ZNF462: variants seen among roughly 807,000 people sequenced by gnomAD.
The protein encoded by ZNF462 is zinc finger PBX1-interacting protein.
ZNF462 carries 10 observed loss-of-function variants against 201.9 expected under a neutral mutation model. The ratio of observed to expected loss-of-function variants is 0.05; its 90% CI spans 0.03 to 0.08. The LOEUF is 0.08. Among genes scored for constraint, ZNF462 ranks in the 10% least tolerant of loss-of-function variants. ZNF462 has a pLI of 1.00. For synonymous variants in ZNF462, 1,227 were observed against 1,193.3 expected, an observed-to-expected ratio of 1.03 and a Z score of -0.58; for missense variants, 2,523 against 3,168.3, an observed-to-expected ratio of 0.80 and a Z score of 4.89.
upstream of ZNF462, among the ~76,000 whole-genome samples, chr9:106,861,756 G>T (rs1827073468): frequency 6.6e-6 from 1 of 152,158 alleles, no homozygotes; most frequent in Non-Finnish European, 1.5e-5. Flanking sequence ...TGGAGGGGGG[G>T]AACCACTCCT....
chr9:106,879,978 C>T (rs1828019855), intron 1 of ZNF462, among the ~76,000 whole-genome samples: 1 of 152,182 alleles, frequency 6.6e-6, no homozygotes, highest in South Asian at 2.1e-4. Context: ...GAGCAACTCA[C>T]TGACTCTTGG....
rs569206785 is a variant in ZNF462 at position 106,990,998 on chromosome 9, G to A, written c.7056+6589G>A. 2.0e-5 allele frequency among the ~76,000 whole-genome samples: 3 copies of A among 152,092 alleles called. No homozygotes were observed. In the South Asian group the frequency reaches 6.2e-4, roughly 32 times the overall value. ...TTTCAGGGTTCATGAGAGAGGAATA[G>A]GGGTATCAGTGTACAATGTACTGAA... On this transcript the variant is annotated intron_variant, in intron 10 of 12. Transcript: ENST00000277225.
intron 7 of ZNF462, among the ~76,000 whole-genome samples, chr9:106,953,023 A>G (rs779965037): frequency 1.3e-5 from 2 of 152,200 alleles, no homozygotes; most frequent in African/African-American, 2.4e-5. Flanking sequence ...AATCTTAAAA[A>G]GGTTATACAT....
chr9:106,932,331 C>T lies in ZNF462; in HGVS notation c.6013-115C>T. 6.4e-6 allele frequency: 10 copies of T among 1,563,886 alleles called. No individual in the cohort carries two copies. Among genetic ancestry groups the T allele is most frequent in the African/African-American group, 1.4e-5 (1 of 73,596 alleles). ...AAGCAGCCAAAGACGCCAGTGGCGC[C>T]CTGGTGGGCCGGGTGGATGGTGAAC... On this transcript the variant is annotated intron_variant, in intron 4 of 12. Coordinates refer to ENST00000277225, the MANE Select transcript of ZNF462 (RefSeq NM_021224.6). This position sits in a 1 kb window ranked among gnomAD's most constrained non-coding sequence, Gnocchi z 6.8.
At chr9:106,864,045 T>TCTCG in intron 1 of ZNF462, among the ~76,000 whole-genome samples, 1 of 31,620 alleles carries the variant, frequency 3.2e-5, no homozygotes, top group East Asian at 8.9e-4. Context: ...TTTGGCTCTC[T>TCTCG]CTCTCTCTCT....
Position 107,012,874 on chromosome 9 carries a change from T to C in ZNF462, c.*1844T>C, listed in dbSNP as rs999593417. 3.9e-5 allele frequency: 6 copies of C among 152,256 alleles called. No individual in the cohort carries two copies. Among genetic ancestry groups the C allele is most frequent in the Admixed American group, 3.9e-4 (6 of 15,284 alleles). The allele number at this position is 152,256 out of a possible 1,614,324, so 9.4% of individuals were successfully genotyped here. On this transcript the variant is annotated 3_prime_UTR_variant, in exon 13 of 13. Coordinates refer to ENST00000277225, the MANE Select transcript of ZNF462 (RefSeq NM_021224.6). Reference sequence around the variant, plus strand: ...TGCTTACTTGAAAAGCATGTTCTTCTTTTATTTTCTTACTGTTAAGAATTT... The same window carrying C: ...TGCTTACTTGAAAAGCATGTTCTTCCTTTATTTTCTTACTGTTAAGAATTT...
intron 7 of ZNF462, among the ~76,000 whole-genome samples, chr9:106,960,893 T>C (rs1469592919): frequency 6.6e-6 from 1 of 152,106 alleles, no homozygotes; most frequent in Non-Finnish European, 1.5e-5. Context: ...CCATATCTGC[T>C]TTTCTGAGCC....
chr9:106,932,635 G>A lies in ZNF462; in HGVS notation c.6116+86G>A. The A allele has an allele frequency of 6.4e-7, 1 of 1,557,326 alleles. No individual in the cohort carries two copies. The highest frequency in any genetic ancestry group is 1.8e-5 in the Admixed American group (1 of 56,002). ...TAAGCTAAAGCAGAAGCTTGGATGA[G>A]TAAGAAGGCCCCACTCATGGTTCAC... is the stretch of plus-strand genomic sequence containing the variant. On this transcript the variant is annotated intron_variant, in intron 5 of 12. Coordinates refer to ENST00000277225, the MANE Select transcript of ZNF462 (RefSeq NM_021224.6). The surrounding 1 kb of genome is among the most constrained non-coding windows in gnomAD (Gnocchi z 6.8).
rs1564172086 is a variant in ZNF462 at position 107,009,537 on chromosome 9, CTT to C, written c.7190-6_7190-5del. 6.2e-7 allele frequency: 1 copy of C among 1,613,784 alleles called. No individual in the cohort carries two copies. Among genetic ancestry groups the C allele is most frequent in the Admixed American group, 1.7e-5 (1 of 59,976 alleles). On this transcript the variant is annotated splice_region_variant and splice_polypyrimidine_tract_variant and intron_variant, in intron 11 of 12. Transcript: ENST00000277225. The surrounding 1 kb of genome is among the most constrained non-coding windows in gnomAD (Gnocchi z 6.1). Reference sequence around the variant, plus strand: ...CACACAGGTAACACTTCTGCTTTCTCTTTGCAGAGCTGATGAGATTTTCTGAC... The same window carrying C: ...CACACAGGTAACACTTCTGCTTTCTCTGCAGAGCTGATGAGATTTTCTGAC...
rs539122109 is a variant in ZNF462, at chr9:106,902,397, G to A, written c.-30-20957G>A. 7.2e-5 allele frequency among the ~76,000 whole-genome samples: 11 copies of A among 151,944 alleles called. No individual in the cohort carries two copies. The highest frequency in any genetic ancestry group is 3.9e-4 in the East Asian group (2 of 5,168). ...TGTAGTTTTCTTCTGTGGTTATGTCGTTTCCTGGTTTTGGTATTAGAGTGC... is the reference window on the plus strand; with the variant it reads ...TGTAGTTTTCTTCTGTGGTTATGTCATTTCCTGGTTTTGGTATTAGAGTGC... On this transcript the variant is annotated intron_variant, in intron 1 of 12. Transcript: ENST00000277225. This position sits in a 1 kb window ranked among gnomAD's most constrained non-coding sequence, Gnocchi z 4.2.
chr9:106,872,659 G>A lies in ZNF462; in HGVS notation c.-31+9304G>A, dbSNP rs996203853. On this transcript the variant is annotated intron_variant, in intron 1 of 12. Transcript: ENST00000277225. The surrounding 1 kb of genome is among the most constrained non-coding windows in gnomAD (Gnocchi z 4.5). Reference sequence around the variant, plus strand: ...ACTACAGGCATGAGCCACCATGCCCGGCCTCAGAAAAGACCATTTTAATTT... The same window carrying A: ...ACTACAGGCATGAGCCACCATGCCCAGCCTCAGAAAAGACCATTTTAATTT... Among the ~76,000 whole-genome samples the A allele has an allele frequency of 6.6e-6, 1 of 152,134 alleles. No homozygotes were observed. The highest frequency in any genetic ancestry group is 1.5e-5 in the Non-Finnish European group (1 of 68,022).
At chr9:106,983,095 A>AAT (rs547769503) in intron 9 of ZNF462, among the ~76,000 whole-genome samples, 3 of 152,210 alleles carry the variant, frequency 2.0e-5, no homozygotes, top group Non-Finnish European at 4.4e-5. Context: ...TTCTTGCATA[A>AAT]ATAGCACAGA....
At chr9:106,957,876 T>C (rs1588116533) in intron 7 of ZNF462, among the ~76,000 whole-genome samples, 1 of 152,066 alleles carries the variant, frequency 6.6e-6, no homozygotes, top group African/African-American at 2.4e-5. Flanking sequence ...TGGTCACCTG[T>C]TCTACATTAT....
At position 106,968,005 on chromosome 9, in the gene ZNF462, C is replaced by T. The variant is rs1832158932; in HGVS notation, c.6428-4000C>T. Among the ~76,000 whole-genome samples, 1 of 152,010 alleles carries T rather than the reference C, an allele frequency of 6.6e-6. No individual in the cohort carries two copies. The highest frequency in any genetic ancestry group is 2.4e-5 in the African/African-American group (1 of 41,376). Reference sequence around the variant, plus strand: ...TCTAATGTTATTTTCTTAACTATTTCAACCTTTCTATCACTTTCTCTCTTT... The same window carrying T: ...TCTAATGTTATTTTCTTAACTATTTTAACCTTTCTATCACTTTCTCTCTTT... On this transcript the variant is annotated intron_variant, in intron 7 of 12. Transcript: ENST00000277225. The surrounding 1 kb of genome is among the most constrained non-coding windows in gnomAD (Gnocchi z 4.0).
chr9:107,008,144 A>G lies in ZNF462; in HGVS notation c.7190-1401A>G, dbSNP rs909752482. ...GCAGAATCCTCCCCACCCCCCTCTC[A>G]TTATGCAGTTGGGGAGGAGTCAGGA... is the stretch of plus-strand genomic sequence containing the variant. On this transcript the variant is annotated intron_variant, in intron 11 of 12. Coordinates refer to ENST00000277225, the MANE Select transcript of ZNF462 (RefSeq NM_021224.6). This position sits in a 1 kb window ranked among gnomAD's most constrained non-coding sequence, Gnocchi z 4.8. Among the ~76,000 whole-genome samples the G allele has an allele frequency of 6.6e-6, 1 of 152,036 alleles. No homozygotes were observed. The highest frequency in any genetic ancestry group is 6.6e-5 in the Admixed American group (1 of 15,266).
At chr9:106,863,555 G>A (rs1827149956) in intron 1 of ZNF462, among the ~76,000 whole-genome samples, 200 bp downstream of exon 1, 1 of 149,640 alleles carries the variant, frequency 6.7e-6, no homozygotes, top group Non-Finnish European at 1.5e-5. Context: ...GGGGAGGAGG[G>A]AGAGCAGGAG....
intron 1 of ZNF462, among the ~76,000 whole-genome samples, chr9:106,908,652 T>C (rs1357714880): frequency 2.6e-5 from 4 of 151,732 alleles, no homozygotes; most frequent in Non-Finnish European, 5.9e-5. Flanking sequence ...ATATCACATA[T>C]ACCTAATTCT....
chr9:106,865,597 GTTTC>G lies in ZNF462; in HGVS notation c.-31+2246_-31+2249del, dbSNP rs1332193991. Among the ~76,000 whole-genome samples the G allele has an allele frequency of 1.3e-5, 2 of 152,132 alleles. No individual in the cohort carries two copies. The highest frequency in any genetic ancestry group is 2.9e-5 in the Non-Finnish European group (2 of 68,018). ...CATTTGTATGTTAGGCCTTCTTTCA[GTTTC>G]TTTGTTTCCCCTTTCCCTTTCCGTC... On this transcript the variant is annotated intron_variant, in intron 1 of 12. Coordinates refer to ENST00000277225, the MANE Select transcript of ZNF462 (RefSeq NM_021224.6). The surrounding 1 kb of genome is among the most constrained non-coding windows in gnomAD (Gnocchi z 4.1).
intron 9 of ZNF462, among the ~76,000 whole-genome samples, chr9:106,982,892 C>T (rs190342646): frequency 1.3e-5 from 2 of 152,266 alleles, no homozygotes; most frequent in South Asian, 2.1e-4. Context: ...AAGAGTGAGT[C>T]GCATCGGTGT....
Sources: allele counts gnomAD v4.1 joint callset (sites outside exome capture counted in the v4.1 genomes callset), GRCh38; gene constraint gnomAD v4.1.1; non-coding constraint Gnocchi (gnomAD v3.1); transcripts MANE v1.5; gene names NCBI Gene and HGNC (gene_info 2026-07-23, HGNC 2026-07-21).